Variants in PODXL observed in about 807,000 individuals in gnomAD.
PODXL encodes podocalyxin like, also known as podocalyxin.
PODXL carries 20 observed loss-of-function variants against 48.9 expected under a neutral mutation model. The ratio of observed to expected loss-of-function variants is 0.41; its 90% confidence interval spans 0.29 to 0.59. The LOEUF (loss-of-function observed/expected upper bound fraction) is 0.59, where lower values mean the gene tolerates loss of function less well. Ranked by LOEUF, PODXL falls within the 20% of genes least tolerant of loss-of-function variation. PODXL has a pLI of 0.31. For missense variants in PODXL, 606 were observed against 675.1 expected (o/e 0.90, Z 1.13); for synonymous variants, 295 against 287.4 (o/e 1.03, Z -0.27).
chr7:131,509,253 C>T (rs1210206189), intron 4 of PODXL, 112 bp downstream of exon 4: 2 of 944,818 alleles, frequency 2.1e-6, no homozygotes, highest in African/African-American at 1.6e-5. Context: ...AAGTGCTGCT[C>T]AAAGCCCCAG....
chr7:131,552,389 AG>A (rs1008363836), intron 1 of PODXL, among the ~76,000 whole-genome samples: 7 of 152,140 alleles, frequency 4.6e-5, no homozygotes, highest in South Asian at 2.1e-4. Context: ...CCTCCCTGCA[AG>A]GGGGGGAATT....
intron 1 of PODXL, among the ~76,000 whole-genome samples, chr7:131,528,488 C>A (rs1464527248): frequency 6.6e-6 from 1 of 152,180 alleles, no homozygotes; most frequent in Non-Finnish European, 1.5e-5. Flanking sequence ...CTGGATCCAG[C>A]CCCTGAGTTC....
intron 1 of PODXL, among the ~76,000 whole-genome samples, chr7:131,536,513 G>A (rs1280909725): frequency 6.6e-6 from 1 of 152,144 alleles, no homozygotes; most frequent in Non-Finnish European, 1.5e-5. Context: ...TACACCCTCG[G>A]GCCAGCAGCA....
intron 5 of PODXL, among the ~76,000 whole-genome samples, chr7:131,508,337 C>G (rs1797845411): frequency 1.3e-5 from 2 of 152,208 alleles, no homozygotes; most frequent in South Asian, 2.1e-4. Flanking sequence ...GTTCGTCCAT[C>G]AAGGCTCTCA....
chr7:131,556,622 C>A lies in PODXL; in HGVS notation c.-263G>T, dbSNP rs1798754101. 1.2e-5 allele frequency: 3 copies of A among 241,504 alleles called. No homozygotes were observed. Among genetic ancestry groups the A allele is most frequent in the South Asian group, 3.0e-4 (2 of 6,572 alleles). The allele number at this position is 241,504 out of a possible 1,614,324, so 15.0% of individuals were successfully genotyped here. ...CTGGGCGGCGTCTGCGCGGCTGCGG[C>A]CCCACTGGCGGCTGCGGCTACTCCT... On this transcript the variant is annotated 5_prime_UTR_variant, in exon 1 of 9. Coordinates refer to ENST00000378555, the MANE Select transcript of PODXL (RefSeq NM_001018111.3).
In PODXL at chr7:131,526,264, G is replaced by A. The variant is rs568001975; in HGVS notation, c.101-14831C>T. On this transcript the variant is annotated intron_variant, in intron 1 of 8. Coordinates refer to ENST00000378555, the MANE Select transcript of PODXL (RefSeq NM_001018111.3). ...CAAGTTCAGCCTGCAAGACCTGAAA[G>A]AGGGTCAACAGGAAAGAGCTCATAA... Among the ~76,000 whole-genome samples, 4 of 152,328 alleles carry A rather than the reference G, an allele frequency of 2.6e-5. No individual in the cohort carries two copies. The East Asian group carries it at 5.8e-4, about 22-fold the overall frequency.
At chr7:131,504,953 A>G (rs1393453984) in intron 8 of PODXL, among the ~76,000 whole-genome samples, 1 of 152,220 alleles carries the variant, frequency 6.6e-6, no homozygotes, top group Admixed American at 6.5e-5. Flanking sequence ...CCTGCGGCAG[A>G]CAGCAGCCAT....
chr7:131,551,713 G>T (rs1798669810), intron 1 of PODXL, among the ~76,000 whole-genome samples: 3 of 151,786 alleles, frequency 2.0e-5, no homozygotes, highest in Admixed American at 2.0e-4. Flanking sequence ...GAGGCGGGCG[G>T]ATCATGAGGT....
intron 1 of PODXL, among the ~76,000 whole-genome samples, chr7:131,545,270 T>C (rs1052142611): frequency 6.6e-6 from 1 of 152,226 alleles, no homozygotes; most frequent in Admixed American, 6.5e-5. Flanking sequence ...CCCAATGGAC[T>C]CTGGGGCAAG....
At chr7:131,534,119 C>T (rs1275986472) in intron 1 of PODXL, among the ~76,000 whole-genome samples, 3 of 152,150 alleles carry the variant, frequency 2.0e-5, no homozygotes, top group Admixed American at 6.5e-5. Context: ...CACTCCCTCT[C>T]GAGCCACTCA....
chr7:131,517,269 G>T (rs1301217220), intron 1 of PODXL, among the ~76,000 whole-genome samples: 1 of 152,174 alleles, frequency 6.6e-6, no homozygotes, highest in East Asian at 1.9e-4. Flanking sequence ...TTTCCACAGT[G>T]GGCAGCAAGA....
At chr7:131,520,771 AAAGTT>A (rs1426921438) in intron 1 of PODXL, among the ~76,000 whole-genome samples, 1 of 152,248 alleles carries the variant, frequency 6.6e-6, no homozygotes, top group Admixed American at 6.5e-5. Context: ...ATTTAGCGTC[AAAGTT>A]AAGAATTTGT....
chr7:131,521,080 T>G (rs994338612), intron 1 of PODXL, among the ~76,000 whole-genome samples: 1 of 151,508 alleles, frequency 6.6e-6, no homozygotes, highest in Non-Finnish European at 1.5e-5. Flanking sequence ...AGGCAGGAGA[T>G]TTACTTGAAC....
intron 1 of PODXL, among the ~76,000 whole-genome samples, chr7:131,551,953 G>C (rs1254138175): frequency 6.9e-6 from 1 of 145,616 alleles, no homozygotes; most frequent in Non-Finnish European, 1.5e-5. Flanking sequence ...AAAAAAAACA[G>C]TGAAGGGCTC....
intron 1 of PODXL, among the ~76,000 whole-genome samples, chr7:131,532,530 C>G (rs1243048607): frequency 1.7e-5 from 2 of 117,148 alleles, no homozygotes; most frequent in African/African-American, 6.0e-5. Flanking sequence ...AGGGGGGGTA[C>G]ATTTTTGGTC....
rs1418813206 is a variant in PODXL at position 131,555,625 on chromosome 7, C to G, written c.100+635G>C. Among the ~76,000 whole-genome samples, 3 of 152,170 alleles carry G rather than the reference C, an allele frequency of 2.0e-5. No homozygotes were observed. The East Asian group carries it at 5.8e-4, about 29-fold the overall frequency. ...CTAAGAAGCGATTGTTTTAGGGACA[C>G]GGAGGTAGGACCCCCACTCAGCCAG... On this transcript the variant is annotated intron_variant, in intron 1 of 8. Transcript: ENST00000378555.
At chr7:131,544,799 G>A (rs751274652) in intron 1 of PODXL, among the ~76,000 whole-genome samples, 17 of 152,166 alleles carry the variant, frequency 1.1e-4, no homozygotes, top group Non-Finnish European at 2.1e-4. Flanking sequence ...AAAAGCACAT[G>A]CAAGCTGGTG....
Position 131,556,472 on chromosome 7 carries a change from A to G in PODXL, c.-113T>C. The G allele has an allele frequency of 8.1e-7, 1 of 1,228,094 alleles. No individual in the cohort carries two copies. The highest frequency in any genetic ancestry group is 1.0e-6 in the Non-Finnish European group (1 of 975,222). 76.1% of individuals were successfully genotyped at this position (1,228,094 alleles called of 1,614,324 possible). ...CGGGGAGGCCTGTGGGTGGCTCCGG[A>G]GGCCAGGCTGTGGCCCGGGGCTCCC... On this transcript the variant is annotated 5_prime_UTR_variant, in exon 1 of 9. Coordinates refer to ENST00000378555, the MANE Select transcript of PODXL (RefSeq NM_001018111.3).
intron 3 of PODXL, 103 bp downstream of exon 3, chr7:131,510,133 A>G: frequency 2.4e-6 from 1 of 411,040 alleles, no homozygotes; most frequent in South Asian, 1.8e-5. Flanking sequence ...CTCTTGATCC[A>G]TAGGTAGATT....
Sources: allele counts gnomAD v4.1 joint callset (sites outside exome capture counted in the v4.1 genomes callset), GRCh38; gene constraint gnomAD v4.1.1; transcripts MANE v1.5; gene names NCBI Gene and HGNC (gene_info 2026-07-23, HGNC 2026-07-21).